The following CMKLR2 variants were observed in gnomAD, a reference collection of about 807,000 sequenced individuals.
CMKLR2 encodes the protein chemerin-like receptor 2.
Under a neutral mutation model 23.0 loss-of-function variants are expected in CMKLR2, and 18 were observed. The observed-to-expected ratio is 0.78, with a 90% CI of 0.54 to 1.16. The LOEUF is 1.16. CMKLR2 is among the 50% of genes most tolerant of loss of function. CMKLR2 has a pLI of 0.00. For missense variants in CMKLR2, 401 were observed against 412.7 expected (o/e 0.97, Z 0.25); for synonymous variants, 158 against 158.9 (o/e 0.99, Z 0.05).
chr2:206,192,213 C>T (rs1688772866), intron 1 of CMKLR2, among the ~76,000 whole-genome samples: 1 of 151,494 alleles, frequency 6.6e-6, no homozygotes, highest in South Asian at 2.1e-4. Context: ...CTCCTGATTT[C>T]AAGTGATCTG....
At chr2:206,209,654 T>TC (rs913451700) in intron 1 of CMKLR2, among the ~76,000 whole-genome samples, 5 of 149,868 alleles carry the variant, frequency 3.3e-5, no homozygotes, top group African/African-American at 1.2e-4. Context: ...TTTCTTTTTT[T>TC]TTTTTTTTTT....
At chr2:206,209,795 C>A (rs1473300636) in intron 1 of CMKLR2, among the ~76,000 whole-genome samples, 2 of 141,944 alleles carry the variant, frequency 1.4e-5, no homozygotes, top group South Asian at 4.6e-4. Flanking sequence ...ACTACAGGCG[C>A]CCGCCACGAT....
chr2:206,187,415 C>T (rs1013167360), intron 1 of CMKLR2, among the ~76,000 whole-genome samples: 1 of 152,170 alleles, frequency 6.6e-6, no homozygotes, highest in Non-Finnish European at 1.5e-5. Flanking sequence ...TTGACAGACC[C>T]AATCTGTGGA....
At chr2:206,207,432 G>A (rs924974385) in intron 1 of CMKLR2, among the ~76,000 whole-genome samples, 2 of 152,092 alleles carry the variant, frequency 1.3e-5, no homozygotes, top group African/African-American at 4.8e-5. Flanking sequence ...GAGACACCAT[G>A]CCTGGCCTGT....
At chr2:206,209,055 C>A (rs1265750619) in intron 1 of CMKLR2, among the ~76,000 whole-genome samples, 1 of 152,128 alleles carries the variant, frequency 6.6e-6, no homozygotes, top group Non-Finnish European at 1.5e-5. Context: ...GTCAAGGTCA[C>A]AGCCAGGCTC....
At chr2:206,198,126 A>G (rs2105823776) in intron 1 of CMKLR2, among the ~76,000 whole-genome samples, 1 of 152,304 alleles carries the variant, frequency 6.6e-6, no homozygotes, top group Non-Finnish European at 1.5e-5. Context: ...TCTTTGTTTA[A>G]AAATTTGATA....
intron 1 of CMKLR2, among the ~76,000 whole-genome samples, chr2:206,202,359 G>A (rs1313688367): frequency 1.3e-5 from 2 of 152,084 alleles, no homozygotes; most frequent in African/African-American, 2.4e-5. Context: ...GAGAGAAGAC[G>A]GTATGAAATA....
chr2:206,200,175 G>C (rs1378603802), intron 1 of CMKLR2, among the ~76,000 whole-genome samples: 1 of 151,954 alleles, frequency 6.6e-6, no homozygotes. Flanking sequence ...TGTAATCCCA[G>C]CACTTTGGGA....
chr2:206,193,456 A>G (rs1189633216), intron 1 of CMKLR2, among the ~76,000 whole-genome samples: 1 of 152,222 alleles, frequency 6.6e-6, no homozygotes, highest in African/African-American at 2.4e-5. Context: ...GAATATGGGC[A>G]CTGAATTTGG....
chr2:206,178,247 A>C (rs1688294593), intron 1 of CMKLR2, among the ~76,000 whole-genome samples: 1 of 152,158 alleles, frequency 6.6e-6, no homozygotes, highest in Non-Finnish European at 1.5e-5. Flanking sequence ...CCTGGGCAAC[A>C]GAGCAGGACC....
chr2:206,207,124 T>C (rs879144373), intron 1 of CMKLR2, among the ~76,000 whole-genome samples: 2 of 150,934 alleles, frequency 1.3e-5, no homozygotes, highest in Admixed American at 6.7e-5. Context: ...CTATAAACCA[T>C]TGTCACTGTC....
intron 1 of CMKLR2, among the ~76,000 whole-genome samples, chr2:206,189,956 A>G (rs988968078): frequency 2.0e-5 from 3 of 152,152 alleles, no homozygotes; most frequent in Non-Finnish European, 4.4e-5. Flanking sequence ...TCTGCTTGGA[A>G]GGCGTTGAGG....
At chr2:206,207,149 A>ATTTTT (rs3081587) in intron 1 of CMKLR2, among the ~76,000 whole-genome samples, 1 of 137,758 alleles carries the variant, frequency 7.3e-6, no homozygotes, top group Non-Finnish European at 1.5e-5. Context: ...GTTGCTTATA[A>ATTTTT]TTTTTTTTTT....
In CMKLR2 at chr2:206,176,550, A is replaced by T; in HGVS notation, c.698T>A (p.Val233Glu). Residue 233 changes from valine to glutamate, a missense_variant, in exon 2 of 2, where the codon GTG (valine) becomes GAG (glutamate). Coordinates refer to ENST00000621141, the MANE Select transcript of CMKLR2 (RefSeq NM_001389445.1). ...GGAGATCAGGATGCTTCGCTTCTTC[A>T]CCTTGAAGATGAGACACAAGTAGCA... ...SICYLCLIFK[V>E]KKRSILISSR... is the part of the protein sequence containing the mutation. 2 of 1,614,134 alleles carry T rather than the reference A, an allele frequency of 1.2e-6. No individual in the cohort carries two copies. The highest frequency in any genetic ancestry group is 1.1e-5 in the South Asian group (1 of 91,090).
chr2:206,202,701 T>G (rs1482847189), intron 1 of CMKLR2, among the ~76,000 whole-genome samples: 2 of 143,732 alleles, frequency 1.4e-5, no homozygotes, highest in East Asian at 2.3e-4. Context: ...ATGGGGGAGG[T>G]GGGTGGTGGC....
At chr2:206,202,406 G>A (rs1001828939) in intron 1 of CMKLR2, among the ~76,000 whole-genome samples, 2 of 152,152 alleles carry the variant, frequency 1.3e-5, no homozygotes, top group Admixed American at 6.5e-5. Flanking sequence ...TTTGAAACGG[G>A]GTGGAGTCAG....
chr2:206,201,008 G>C (rs1335449159), intron 1 of CMKLR2, among the ~76,000 whole-genome samples: 1 of 152,162 alleles, frequency 6.6e-6, no homozygotes, highest in East Asian at 1.9e-4. Flanking sequence ...TTGGAGTGTA[G>C]GGGCACAATC....
upstream of CMKLR2, chr2:206,217,461 G>A (rs1395684286): frequency 6.6e-6 from 1 of 152,162 alleles, no homozygotes; most frequent in Non-Finnish European, 1.5e-5. Flanking sequence ...ATTCTTAAAG[G>A]CTTCTAAATG....
chr2:206,178,233 C>G (rs1182593349), intron 1 of CMKLR2, among the ~76,000 whole-genome samples: 1 of 152,170 alleles, frequency 6.6e-6, no homozygotes, highest in Non-Finnish European at 1.5e-5. Context: ...CCACTGCACT[C>G]CAGCCTGGGC....
Sources: allele counts gnomAD v4.1 joint callset (sites outside exome capture counted in the v4.1 genomes callset), GRCh38; gene constraint gnomAD v4.1.1; transcripts MANE v1.5; gene names NCBI Gene and HGNC (gene_info 2026-07-23, HGNC 2026-07-21).